GNB4: variants seen among roughly 807,000 people sequenced by gnomAD.
GNB4 encodes the protein guanine nucleotide-binding protein subunit beta-4.
GNB4 carries 28 observed loss-of-function variants against 45.2 expected under a neutral mutation model. The observed-to-expected ratio is 0.62, with a 90% CI of 0.46 to 0.85. The LOEUF is 0.85. Among genes scored for constraint, GNB4 ranks in the 40% least tolerant of loss-of-function variants. GNB4 has a pLI of 0.00. For synonymous variants in GNB4, 132 were observed against 143.7 expected (o/e 0.92, Z 0.58); for missense variants, 321 against 425.4 (o/e 0.75, Z 2.16).
chr3:179,414,795 G>T, intron 6 of GNB4, 90 bp downstream of exon 6: 2 of 1,046,318 alleles, frequency 1.9e-6, no homozygotes, highest in Non-Finnish European at 2.7e-6. Flanking sequence ...TCATCCTTTA[G>T]CCAGCCGAGC....
chr3:179,430,505 T>C (rs1169381447), intron 1 of GNB4, among the ~76,000 whole-genome samples: 1 of 152,000 alleles, frequency 6.6e-6, no homozygotes, highest in Non-Finnish European at 1.5e-5. Flanking sequence ...CAGGCTGGAG[T>C]GCAGCAGCAC....
At chr3:179,424,939 C>G (rs1271227819) in intron 2 of GNB4, among the ~76,000 whole-genome samples, 2 of 152,192 alleles carry the variant, frequency 1.3e-5, no homozygotes, top group African/African-American at 4.8e-5. Flanking sequence ...ACAAATTCTT[C>G]AGAAACAGCT....
intron 9 of GNB4, among the ~76,000 whole-genome samples, chr3:179,402,716 C>T (rs578098906): frequency 2.0e-5 from 3 of 152,328 alleles, no homozygotes; most frequent in African/African-American, 7.2e-5. Flanking sequence ...AACAAAATTA[C>T]ACTGCAGATT....
At chr3:179,429,701 ACTTT>A (rs1231047004) in intron 1 of GNB4, among the ~76,000 whole-genome samples, 1 of 152,036 alleles carries the variant, frequency 6.6e-6, no homozygotes, top group Non-Finnish European at 1.5e-5. Flanking sequence ...GCAGCTACCT[ACTTT>A]CTTTCAGCCA....
the GNB4 span, among the ~76,000 whole-genome samples, chr3:179,522,698 G>T: frequency 6.6e-6 from 1 of 152,164 alleles, no homozygotes; most frequent in African/African-American, 2.4e-5. Context: ...TAAACCAAGT[G>T]TGATCAGGGT....
chr3:179,520,609 TC>T, the GNB4 span, among the ~76,000 whole-genome samples: 1 of 152,158 alleles, frequency 6.6e-6, no homozygotes, highest in African/African-American at 2.4e-5. Context: ...ATTTTCTTCC[TC>T]CCACCTGACG....
the GNB4 span, among the ~76,000 whole-genome samples, chr3:179,484,369 C>T: frequency 6.6e-6 from 1 of 152,208 alleles, no homozygotes; most frequent in Non-Finnish European, 1.5e-5. Flanking sequence ...TTATTATTTA[C>T]AGATCCCATA....
intron 8 of GNB4, among the ~76,000 whole-genome samples, chr3:179,407,026 G>T (rs12634184): frequency 0.19 from 28,180 of 152,120 alleles, 3,100 homozygotes; most frequent in East Asian, 0.35. Context: ...CTATCCTTCT[G>T]CTTCCAGCCA....
At chr3:179,465,798 TCTTC>T in the GNB4 span, among the ~76,000 whole-genome samples, 2,625 of 139,158 alleles carry the variant, frequency 0.019, 75 homozygotes, top group African/African-American at 0.067. Flanking sequence ...ATAATTTTTT[TCTTC>T]TTCTTCTTCT....
intron 2 of GNB4, among the ~76,000 whole-genome samples, chr3:179,423,104 A>G (rs1343744557): frequency 1.3e-5 from 2 of 152,108 alleles, no homozygotes; most frequent in Non-Finnish European, 2.9e-5. Flanking sequence ...AAGATTTTTA[A>G]ATATAGTGTG....
the GNB4 span, among the ~76,000 whole-genome samples, chr3:179,483,647 G>C: frequency 1.6e-3 from 245 of 152,204 alleles, 4 homozygotes; most frequent in East Asian, 0.035. Flanking sequence ...AAAAATCTGT[G>C]ACAAAAAGAC....
chr3:179,412,672 C>T (rs894223392), intron 8 of GNB4, among the ~76,000 whole-genome samples: 11 of 152,020 alleles, frequency 7.2e-5, no homozygotes, highest in African/African-American at 4.8e-5. Context: ...GATTAGGTCC[C>T]GGGTTGCACT....
chr3:179,434,685 C>G (rs6778235), intron 1 of GNB4, among the ~76,000 whole-genome samples: 4,364 of 151,634 alleles, frequency 0.029, 186 homozygotes, highest in African/African-American at 0.091. Flanking sequence ...CACACCCCTC[C>G]ACTCCAGCCT....
chr3:179,454,659 C>G (rs1297826322), upstream of GNB4, among the ~76,000 whole-genome samples: 3 of 152,068 alleles, frequency 2.0e-5, no homozygotes, highest in Admixed American at 2.0e-4. Context: ...TTTTTCTGAG[C>G]CTACCTTGCT....
At chr3:179,470,692 G>A in the GNB4 span, among the ~76,000 whole-genome samples, 5 of 151,770 alleles carry the variant, frequency 3.3e-5, no homozygotes, top group South Asian at 1.0e-3. Flanking sequence ...CTACAGGCAC[G>A]TGCCACCGCT....
chr3:179,453,120 A>G (rs111439685), upstream of GNB4, among the ~76,000 whole-genome samples: 2,916 of 152,288 alleles, frequency 0.019, 57 homozygotes, highest in Non-Finnish European at 0.03. Flanking sequence ...TCAACTCCAA[A>G]GCCCACATTC....
the GNB4 span, among the ~76,000 whole-genome samples, chr3:179,481,633 C>T: frequency 6.6e-6 from 1 of 152,118 alleles, no homozygotes; most frequent in East Asian, 1.9e-4. Flanking sequence ...ATCCACTGTG[C>T]TGAGCCCCAA....
chr3:179,517,654 C>T, the GNB4 span, among the ~76,000 whole-genome samples: 1 of 151,070 alleles, frequency 6.6e-6, no homozygotes, highest in Non-Finnish European at 1.5e-5. Flanking sequence ...TTACTCTCTT[C>T]TCCAACCTCT....
At chr3:179,521,115 A>G in the GNB4 span, among the ~76,000 whole-genome samples, 1 of 152,162 alleles carries the variant, frequency 6.6e-6, no homozygotes, top group African/African-American at 2.4e-5. Context: ...TCAGAAAACT[A>G]AAATACCTCT....
Sources: allele counts gnomAD v4.1 joint callset (sites outside exome capture counted in the v4.1 genomes callset), GRCh38; gene constraint gnomAD v4.1.1; transcripts MANE v1.5; gene names NCBI Gene and HGNC (gene_info 2026-07-23, HGNC 2026-07-21).